PLXNB2: variants seen among roughly 807,000 people sequenced by gnomAD.
The protein encoded by PLXNB2 is plexin-B2.
Under a neutral mutation model 202.6 loss-of-function variants are expected in PLXNB2, and 85 were observed. The ratio of observed to expected loss-of-function variants is 0.42; its 90% confidence interval spans 0.35 to 0.50. PLXNB2 has a LOEUF of 0.50. PLXNB2 is among the 20% of genes least tolerant of loss of function. The pLI, the probability that PLXNB2 is intolerant of heterozygous loss-of-function variation, is 0.02. For synonymous variants in PLXNB2, 1,239 were observed against 1,137.6 expected (o/e 1.09, Z -1.79); for missense variants, 2,063 against 2,586.2 (o/e 0.80, Z 4.39).
rs909472819 is a variant in PLXNB2, at chr22:50,297,331, G to A, written c.-73-2553C>T. On this transcript the variant is annotated intron_variant, in intron 1 of 36. Coordinates refer to ENST00000359337, the MANE Select transcript of PLXNB2 (RefSeq NM_012401.4). This position sits in a 1 kb window ranked among gnomAD's most constrained non-coding sequence, Gnocchi z 5.3. Reference sequence around the variant, plus strand: ...GTCAGGGGAGGCTGGCTTCTGTCCCGCCCATCCCGCACGCCCTCGAACAAC... The same window carrying A: ...GTCAGGGGAGGCTGGCTTCTGTCCCACCCATCCCGCACGCCCTCGAACAAC... 2.0e-5 allele frequency among the ~76,000 whole-genome samples: 3 copies of A among 152,222 alleles called. No individual in the cohort carries two copies. The highest frequency in any genetic ancestry group is 2.4e-5 in the African/African-American group (1 of 41,526).
At position 50,307,408 on chromosome 22, in the gene PLXNB2, G is replaced by A. The variant is rs2067929049; in HGVS notation, c.-74+145C>T. 16 of 290,142 alleles carry A rather than the reference G, an allele frequency of 5.5e-5. No homozygotes were observed. In the South Asian group the frequency reaches 2.1e-3, roughly 38 times the overall value. 18.0% of individuals were successfully genotyped at this position (290,142 alleles called of 1,614,324 possible). A position where few individuals can be genotyped will look rare whatever the true frequency, so the allele number is the denominator to read the frequency against. On this transcript the variant is annotated intron_variant, in intron 1 of 36. Coordinates refer to ENST00000359337, the MANE Select transcript of PLXNB2 (RefSeq NM_012401.4). Reference sequence around the variant, plus strand: ...CGGATGGACCGACGGACGGGGCCCAGGCCCCGGGAGCCCTCCGCGGAGCCG... The same window carrying A: ...CGGATGGACCGACGGACGGGGCCCAAGCCCCGGGAGCCCTCCGCGGAGCCG...
Position 50,287,207 on chromosome 22 carries a change from G to A in PLXNB2, c.1666C>T (p.Leu556Phe). 1 of 1,550,412 alleles carries A rather than the reference G, an allele frequency of 6.4e-7. No homozygotes were observed. Among genetic ancestry groups the A allele is most frequent in the Non-Finnish European group, 8.7e-7 (1 of 1,146,986 alleles). The change falls in exon 8 of 37, where the codon CTT (leucine) becomes TTT (phenylalanine). Residue 556 changes from leucine to phenylalanine, a missense_variant. Physicochemically the swap from Leu to Phe is conservative, Grantham distance 22 (BLOSUM62 0). Transcript: ENST00000359337. ...ALSEEDELLC[L>F]FGESPPHPAR... is the part of the protein sequence containing the mutation. The stretch of plus-strand genomic sequence containing the variant: ...GGGTGTGGCGGCGACTCCCCAAAAA[G>A]GCACAGCAACTCGTCCTCCTCGCTC...
intron 1 of PLXNB2, among the ~76,000 whole-genome samples, chr22:50,295,306 CAAA>C (rs760999233): frequency 3.5e-5 from 3 of 84,740 alleles, no homozygotes; most frequent in Admixed American, 1.3e-4. Flanking sequence ...GACTTCGTCT[CAAA>C]AAAAAAAAAA....
intron 1 of PLXNB2, among the ~76,000 whole-genome samples, chr22:50,295,567 C>G (rs569274501): frequency 3.3e-5 from 5 of 152,166 alleles, no homozygotes; most frequent in Admixed American, 3.3e-4. Context: ...GCTATTGTAT[C>G]TTCTAGTTCT....
rs954680724 is a variant in PLXNB2, at chr22:50,291,208, C to T, written c.-13-611G>A. Among the ~76,000 whole-genome samples the T allele has an allele frequency of 6.6e-6, 1 of 152,338 alleles. No individual in the cohort carries two copies. The highest frequency in any genetic ancestry group is 2.1e-4 in the South Asian group (1 of 4,832). On this transcript the variant is annotated intron_variant, in intron 2 of 36. Coordinates refer to ENST00000359337, the MANE Select transcript of PLXNB2 (RefSeq NM_012401.4). This position sits in a 1 kb window ranked among gnomAD's most constrained non-coding sequence, Gnocchi z 4.3. Reference sequence around the variant, plus strand: ...AGCCTCCCTGACCACCTCCAGGCCCCCTGCCCTGGTGAAACAGTGGAAGCC... The same window carrying T: ...AGCCTCCCTGACCACCTCCAGGCCCTCTGCCCTGGTGAAACAGTGGAAGCC...
In PLXNB2 at chr22:50,275,780, G is replaced by A; in HGVS notation, c.5441C>T (p.Ala1814Val). The A allele has an allele frequency of 6.2e-7, 1 of 1,612,356 alleles. No individual in the cohort carries two copies. Among genetic ancestry groups the A allele is most frequent in the Non-Finnish European group, 8.5e-7 (1 of 1,179,696 alleles). Residue 1814 changes from alanine (A) to valine (V), a missense_variant, in exon 37 of 37, where the codon GCC becomes GTC. Ala to Val is a moderately conservative substitution (Grantham distance 64). Around this residue, in one of 2 missense-constraint regions of PLXNB2, gnomAD observed 760 missense variants for 1,109.4 expected, o/e 0.69. Coordinates refer to ENST00000359337, the MANE Select transcript of PLXNB2 (RefSeq NM_012401.4). Reference protein sequence around the residue: ...EIINALEEDPAAQKMQLAFRL... With the variant: ...EIINALEEDPVAQKMQLAFRL... Reference sequence around the variant, plus strand: ...GAAGGCCAGCTGCATCTTCTGGGCGGCAGGATCCTCCTCCAAGGCATTGAT... The same window carrying A: ...GAAGGCCAGCTGCATCTTCTGGGCGACAGGATCCTCCTCCAAGGCATTGAT...
At chr22:50,299,576 T>C (rs1333541388) in intron 1 of PLXNB2, among the ~76,000 whole-genome samples, 1 of 151,838 alleles carries the variant, frequency 6.6e-6, no homozygotes, top group Non-Finnish European at 1.5e-5. Context: ...GCCTCCGCTG[T>C]TTTCAAAACA....
rs2066021969 is a variant in PLXNB2, at chr22:50,281,916, G to A, written c.3283C>T (p.Pro1095Ser). 6.2e-7 allele frequency: 1 copy of A among 1,612,920 alleles called. No homozygotes were observed. The highest frequency in any genetic ancestry group is 1.7e-5 in the Admixed American group (1 of 60,006). The change falls in exon 20 of 37, where the codon CCC becomes TCC. Residue 1095 changes from proline to serine, a missense_variant. Physicochemically the swap from Pro to Ser is moderately conservative, Grantham distance 74 (BLOSUM62 -1). Coordinates refer to ENST00000359337, the MANE Select transcript of PLXNB2 (RefSeq NM_012401.4). ...CCACCTGTGAAGTTCTCAAAGGTGG[G>A]GTCAGGCACGTACTCGAAGGCCCCG... ...EAGAFEYVPD[P>S]TFENFTGGVK...
Position 50,282,306 on chromosome 22 carries a change from G to A in PLXNB2, c.2995C>T (p.Arg999Cys), listed in dbSNP as rs1335784939. 3 of 1,609,112 alleles carry A rather than the reference G, an allele frequency of 1.9e-6. No homozygotes were observed. Among genetic ancestry groups the A allele is most frequent in the Admixed American group, 1.7e-5 (1 of 59,474 alleles). Residue 999 changes from arginine to cysteine, a missense_variant, in exon 19 of 37, where the codon CGC becomes TGC. Transcript: ENST00000359337. Reference sequence around the variant, plus strand: ...CCCTGACCCGTGACGTTGATGCTGCGGCCACCACTGCGGAGGGCAGTGCCT... The same window carrying A: ...CCCTGACCCGTGACGTTGATGCTGCAGCCACCACTGCGGAGGGCAGTGCCT... ...EPLRSFASGGRSINVTGQGFS... is the reference protein window; with the variant it reads ...EPLRSFASGGCSINVTGQGFS...
Position 50,281,698 on chromosome 22 carries a change from G to A in PLXNB2, c.3390C>T (p.Ala1130=), listed in dbSNP as rs777342110. 1.3e-6 allele frequency: 2 copies of A among 1,565,470 alleles called. No individual in the cohort carries two copies. The highest frequency in any genetic ancestry group is 1.7e-6 in the Non-Finnish European group (2 of 1,153,364). Residue 1130 remains alanine (A), a synonymous_variant, in exon 21 of 37, where the codon GCC becomes GCT. Coordinates refer to ENST00000359337, the MANE Select transcript of PLXNB2 (RefSeq NM_012401.4). ...TGGTGCAGCGCTCGGCACCCACGAAGGCCTCGGCCTCCTGCAGCGTCATCG... is the reference window on the plus strand; with the variant it reads ...TGGTGCAGCGCTCGGCACCCACGAAAGCCTCGGCCTCCTGCAGCGTCATCG... The part of the protein sequence containing the change: ...NKAMTLQEAE[A]FVGAERCTMK...
In PLXNB2 at chr22:50,289,352, C is replaced by A. The variant is rs547423877; in HGVS notation, c.1068+165G>T. On this transcript the variant is annotated intron_variant, in intron 3 of 36. Transcript: ENST00000359337. The surrounding 1 kb of genome is among the most constrained non-coding windows in gnomAD (Gnocchi z 8.0). Reference sequence around the variant, plus strand: ...GACACAGGCCTGGGACTGGCGCCAGCGTGAATGGCATTGAGAGATGCGGCA... The same window carrying A: ...GACACAGGCCTGGGACTGGCGCCAGAGTGAATGGCATTGAGAGATGCGGCA... Among the ~76,000 whole-genome samples, 1 of 152,184 alleles carries A rather than the reference C, an allele frequency of 6.6e-6. No individual in the cohort carries two copies. The highest frequency in any genetic ancestry group is 1.5e-5 in the Non-Finnish European group (1 of 68,026).
At chr22:50,287,404 C>A in intron 7 of PLXNB2, 140 bp from the exon 8 acceptor site, 1 of 1,020,436 alleles carries the variant, frequency 9.8e-7, no homozygotes, top group Non-Finnish European at 1.4e-6. Flanking sequence ...CCAATACAGG[C>A]CTCTCTGTGG....
rs373444055 is a variant in PLXNB2 at position 50,276,753 on chromosome 22, G to C, written c.5262-49C>G. 1.2e-5 allele frequency: 19 copies of C among 1,598,518 alleles called. No individual in the cohort carries two copies. The East Asian group carries it at 3.3e-4, about 28-fold the overall frequency. ...AGTGTGGGCGGCAGGGACCACAAAG[G>C]GGGTGGTGGGGGAAACCAAGGCCTG... On this transcript the variant is annotated intron_variant, in intron 34 of 36. Coordinates refer to ENST00000359337, the MANE Select transcript of PLXNB2 (RefSeq NM_012401.4).
intron 1 of PLXNB2, among the ~76,000 whole-genome samples, chr22:50,300,906 T>C (rs892105023): frequency 1.3e-5 from 2 of 152,158 alleles, no homozygotes; most frequent in Non-Finnish European, 2.9e-5. Context: ...CCAGGCCACC[T>C]GGTACCCAGG....
rs761703447 is a variant in PLXNB2, at chr22:50,282,017, G to A, written c.3182C>T (p.Pro1061Leu). 1.2e-6 allele frequency: 2 copies of A among 1,613,078 alleles called. No homozygotes were observed. The highest frequency in any genetic ancestry group is 1.7e-6 in the Non-Finnish European group (2 of 1,179,984). Reference sequence around the variant, plus strand: ...GAGGTTGTAGGCCTCTGGCTCCTCAGGCACAGCCGGGGACAGGAAGACGAC... The same window carrying A: ...GAGGTTGTAGGCCTCTGGCTCCTCAAGCACAGCCGGGGACAGGAAGACGAC... ...TKVVFLSPAV[P>L]EEPEAYNLTV... is the part of the protein sequence containing the mutation. Residue 1061 changes from proline to leucine, a missense_variant, in exon 20 of 37, where the codon CCT becomes CTT. By Grantham distance (98) the Pro-to-Leu change is moderately conservative. Coordinates refer to ENST00000359337, the MANE Select transcript of PLXNB2 (RefSeq NM_012401.4).
At chr22:50,279,982 A>C in intron 26 of PLXNB2, 23 bp downstream of exon 26, 1 of 1,582,374 alleles carries the variant, frequency 6.3e-7, no homozygotes, top group Non-Finnish European at 8.6e-7. Context: ...CTCAAGCCCC[A>C]GCCAGGCTGG....
intron 7 of PLXNB2, 65 bp downstream of exon 7, chr22:50,287,602 C>A: frequency 7.0e-7 from 1 of 1,438,148 alleles, no homozygotes; most frequent in Non-Finnish European, 9.4e-7. Flanking sequence ...CAGCTCCCAG[C>A]ATGGGGGAGC....
chr22:50,280,114 T>C (rs375316407), intron 25 of PLXNB2, 43 bp from the exon 26 acceptor site: 4 of 1,491,414 alleles, frequency 2.7e-6, no homozygotes, highest in Admixed American at 4.0e-5. Flanking sequence ...CCCCGTAGTA[T>C]TCCTGAGGCC....
chr22:50,284,160 G>C lies in PLXNB2; in HGVS notation c.2235C>G (p.Tyr745Ter). The change falls in exon 13 of 37, where the codon TAC becomes TAG. Residue 745 changes from tyrosine to a stop codon, truncating the protein, a stop_gained. Coordinates refer to ENST00000359337, the MANE Select transcript of PLXNB2 (RefSeq NM_012401.4). LOFTEE classifies it high-confidence loss of function. This position sits in a 1 kb window ranked among gnomAD's most constrained non-coding sequence, Gnocchi z 8.0. ...GGAGCTTGCTGTCGATATTCTTGCCGTAAGACTTGACGTAGAGGTGCAGGG... is the reference window on the plus strand; with the variant it reads ...GGAGCTTGCTGTCGATATTCTTGCCCTAAGACTTGACGTAGAGGTGCAGGG... ...TLPLHLYVKSYGKNIDSKLHV... is the reference protein window; with the variant it reads ...TLPLHLYVKS 1 of 1,609,974 alleles carries C rather than the reference G, an allele frequency of 6.2e-7. No individual in the cohort carries two copies. The highest frequency in any genetic ancestry group is 8.5e-7 in the Non-Finnish European group (1 of 1,178,800).
Sources: gnomAD v4.1 joint callset for allele counts (sites outside exome capture counted in the v4.1 genomes callset) on GRCh38, gnomAD v4.1.1 for gene constraint, gnomAD v4.1.1 regional missense constraint, Gnocchi (gnomAD v3.1) non-coding constraint, MANE v1.5 for transcripts, NCBI Gene and HGNC (gene_info 2026-07-23, HGNC 2026-07-21) for gene names.